CMIP: variants seen among roughly 807,000 people sequenced by gnomAD.
CMIP encodes c-Maf inducing protein.
A neutral mutation model predicts 97.3 loss-of-function variants in CMIP; 13 were observed. The observed-to-expected ratio is 0.13, with a 90% CI of 0.09 to 0.21. The LOEUF is 0.21. Among genes scored for constraint, CMIP ranks in the 10% least tolerant of loss-of-function variants. The pLI, the probability that CMIP is intolerant of heterozygous loss-of-function variation, is 1.00. For synonymous variants in CMIP, 538 were observed against 436.3 expected, an observed-to-expected ratio of 1.23 and a Z score of -2.91; for missense variants, 847 against 1,024.9, an observed-to-expected ratio of 0.83 and a Z score of 2.37.
chr16:81,545,312 T>G (rs1000913151), intron 1 of CMIP, among the ~76,000 whole-genome samples: 20 of 152,312 alleles, frequency 1.3e-4, no homozygotes, highest in Admixed American at 2.6e-4. Context: ...AACCCGTCCT[T>G]GTATCACCAG....
chr16:81,484,417 G>A (rs986505833), intron 1 of CMIP, among the ~76,000 whole-genome samples: 3 of 152,192 alleles, frequency 2.0e-5, no homozygotes, highest in African/African-American at 4.8e-5. Flanking sequence ...TCTCCCCGAC[G>A]AAGGGTAGAC....
At chr16:81,698,893 A>C (rs906514941) in intron 14 of CMIP, among the ~76,000 whole-genome samples, 3 of 152,232 alleles carry the variant, frequency 2.0e-5, no homozygotes, top group Admixed American at 6.5e-5. Flanking sequence ...TAAGTGTTTC[A>C]AACATCAGAA....
chr16:81,594,655 C>G (rs941518707), intron 1 of CMIP, among the ~76,000 whole-genome samples: 2 of 152,048 alleles, frequency 1.3e-5, no homozygotes, highest in African/African-American at 4.8e-5. Context: ...GCTCTGTTCC[C>G]CAGGCTGGAG....
chr16:81,492,317 T>G (rs2089418623), intron 1 of CMIP, among the ~76,000 whole-genome samples: 1 of 152,200 alleles, frequency 6.6e-6, no homozygotes, highest in Non-Finnish European at 1.5e-5. Flanking sequence ...ACTTCACGTG[T>G]TGAAAATGGT....
rs1368991445 is a variant in CMIP at position 81,546,842 on chromosome 16, A to C, written c.301-60725A>C. ...TTACATTGAATTAAAATTAGACCAA[A>C]GTAAAAATTCAGCTTGTGAGGCACG... On this transcript the variant is annotated intron_variant, in intron 1 of 20. Coordinates refer to ENST00000537098, the MANE Select transcript of CMIP (RefSeq NM_198390.3). Among the ~76,000 whole-genome samples, 4 of 152,178 alleles carry C rather than the reference A, an allele frequency of 2.6e-5. No homozygotes were observed. The East Asian group carries it at 7.7e-4, about 29-fold the overall frequency.
intron 3 of CMIP, among the ~76,000 whole-genome samples, chr16:81,633,105 GT>G (rs2092186980): frequency 1.3e-5 from 2 of 152,262 alleles, no homozygotes; most frequent in Admixed American, 1.3e-4. Flanking sequence ...GGGTGAACTT[GT>G]TTTTTGCCCT....
At chr16:81,692,246 A>G (rs1034217007) in intron 11 of CMIP, among the ~76,000 whole-genome samples, 11 of 152,208 alleles carry the variant, frequency 7.2e-5, no homozygotes, top group African/African-American at 2.7e-4. Context: ...TGCGCGTAGC[A>G]TTGCTCGCTG....
chr16:81,599,742 T>A (rs191702800), intron 1 of CMIP, among the ~76,000 whole-genome samples: 20 of 152,274 alleles, frequency 1.3e-4, no homozygotes, highest in Middle Eastern at 6.8e-3. Context: ...GTGTGAGACA[T>A]CCCCTGCTCT....
chr16:81,635,887 G>C (rs2092228148), intron 3 of CMIP, among the ~76,000 whole-genome samples: 2 of 152,196 alleles, frequency 1.3e-5, no homozygotes, highest in East Asian at 1.9e-4. Flanking sequence ...TTGGCTCTTA[G>C]GAAAATGGTT....
At chr16:81,472,678 G>C (rs1000423580) in intron 1 of CMIP, among the ~76,000 whole-genome samples, 1 of 152,258 alleles carries the variant, frequency 6.6e-6, no homozygotes, top group African/African-American at 2.4e-5. Context: ...TAGAGGGGCA[G>C]GGTGAAGGGG....
chr16:81,455,813 C>G (rs1906511513), intron 1 of CMIP, among the ~76,000 whole-genome samples: 1 of 152,190 alleles, frequency 6.6e-6, no homozygotes, highest in African/African-American at 2.4e-5. Context: ...CTCACAGGAC[C>G]CCTTTCTTGA....
intron 1 of CMIP, among the ~76,000 whole-genome samples, chr16:81,600,808 G>A (rs2091644801): frequency 6.6e-6 from 1 of 152,202 alleles, no homozygotes; most frequent in African/African-American, 2.4e-5. Context: ...CATTCTCCCA[G>A]CGCAAGCCAC....
intron 3 of CMIP, among the ~76,000 whole-genome samples, chr16:81,622,888 A>G (rs753157121): frequency 2.6e-5 from 4 of 152,214 alleles, no homozygotes; most frequent in Non-Finnish European, 2.9e-5. Flanking sequence ...ATGATTTAAA[A>G]GCTCGGCCTT....
chr16:81,505,134 C>G (rs1041637843), intron 1 of CMIP, among the ~76,000 whole-genome samples: 2 of 152,212 alleles, frequency 1.3e-5, no homozygotes, highest in Non-Finnish European at 2.9e-5. Flanking sequence ...ATGGAGGGCC[C>G]GTCTCAACAT....
At chr16:81,530,957 C>T (rs2090222914) in intron 1 of CMIP, among the ~76,000 whole-genome samples, 1 of 152,222 alleles carries the variant, frequency 6.6e-6, no homozygotes, top group African/African-American at 2.4e-5. Flanking sequence ...ACGTAGCCAC[C>T]AGCTAGCCTG....
intron 1 of CMIP, among the ~76,000 whole-genome samples, chr16:81,503,501 A>C (rs2089649496): frequency 6.6e-6 from 1 of 152,132 alleles, no homozygotes; most frequent in South Asian, 2.1e-4. Context: ...GGCTCAAGCC[A>C]TCCTCCCACC....
intron 1 of CMIP, among the ~76,000 whole-genome samples, chr16:81,507,823 A>C (rs2089737426): frequency 6.6e-6 from 1 of 152,202 alleles, no homozygotes; most frequent in South Asian, 2.1e-4. Context: ...TTGGGGGAAC[A>C]AGAGGACTGG....
intron 7 of CMIP, chr16:81,664,612 G>A: frequency 1.7e-6 from 1 of 584,880 alleles, no homozygotes; most frequent in South Asian, 2.2e-5. Context: ...AAGCCTCCCG[G>A]GAAGAATAGG....
chr16:81,503,652 C>T (rs956917469), intron 1 of CMIP, among the ~76,000 whole-genome samples: 1 of 152,252 alleles, frequency 6.6e-6, no homozygotes, highest in Non-Finnish European at 1.5e-5. Flanking sequence ...CTGCCCTGGC[C>T]TCCCAAGGTG....
Sources: allele counts gnomAD v4.1 joint callset (sites outside exome capture counted in the v4.1 genomes callset), GRCh38; gene constraint gnomAD v4.1.1; transcripts MANE v1.5; gene names NCBI Gene and HGNC (gene_info 2026-07-23, HGNC 2026-07-21).